Variants in VPS13B observed in about 807,000 individuals in gnomAD.
VPS13B encodes the protein vacuolar protein sorting 13 homolog B.
Under a neutral mutation model 426.4 loss-of-function variants are expected in VPS13B, and 285 were observed. The observed-to-expected ratio is 0.67, with a 90% confidence interval of 0.61 to 0.74. The LOEUF is 0.74. Among genes scored for constraint, VPS13B ranks in the 30% least tolerant of loss-of-function variants. The pLI is 0.00. For synonymous variants in VPS13B, 1,676 were observed against 1,676.4 expected (o/e 1.00, Z 0.01); for missense variants, 4,537 against 4,782.6 (o/e 0.95, Z 1.51).
At chr8:99,071,433 T>A (rs771163152) in intron 3 of VPS13B, among the ~76,000 whole-genome samples, 1 of 152,210 alleles carries the variant, frequency 6.6e-6, no homozygotes, top group African/African-American at 2.4e-5. Flanking sequence ...CCTGGATTAC[T>A]GAGCTCCATG....
At position 99,604,498 on chromosome 8, in the gene VPS13B, T is replaced by C. The variant is rs528335212; in HGVS notation, c.5220+26865T>C. 9.7e-4 allele frequency among the ~76,000 whole-genome samples: 134 copies of C among 137,732 alleles called. 3 individuals are homozygous for C. The highest frequency in any genetic ancestry group is 9.4e-3 in the Admixed American group (127 of 13,514). The allele number at this position is 137,732 out of a possible 152,430, so 90.4% of individuals were successfully genotyped here. A position where few individuals can be genotyped will look rare whatever the true frequency, so the allele number is the denominator to read the frequency against. ...AGTTTCTCATAGTTTCCTTGGTGTT[T>C]TTTTTTTTTTTTTTTTTTTGAGACA... On this transcript the variant is annotated intron_variant, in intron 33 of 61. Coordinates refer to ENST00000357162, the MANE Select transcript of VPS13B (RefSeq NM_152564.5).
chr8:99,721,020 C>T lies in VPS13B; in HGVS notation c.7023C>T (p.Ser2341=). The change falls in exon 39 of 62, where the codon AGC becomes AGT. Residue 2341 remains serine, a synonymous_variant. Transcript: ENST00000357162. ...ACACCACAGAGGATCCAGATATTAG[C>T]ACAGCAGACCTTGGTGATGTGCTAC... ...PFNTTEDPDI[S]TADLGDVLQV... The T allele has an allele frequency of 6.2e-7, 1 of 1,613,950 alleles. No homozygotes were observed. The highest frequency in any genetic ancestry group is 1.3e-5 in the African/African-American group (1 of 75,000).
At chr8:99,703,230 T>C (rs1832357679) in intron 36 of VPS13B, among the ~76,000 whole-genome samples, 1 of 152,180 alleles carries the variant, frequency 6.6e-6, no homozygotes, top group South Asian at 2.1e-4. Context: ...TTAAATATTT[T>C]CTACTTTACC....
intron 2 of VPS13B, among the ~76,000 whole-genome samples, chr8:99,036,113 C>T (rs7814617): frequency 0.082 from 12,489 of 152,018 alleles, 856 homozygotes; most frequent in African/African-American, 0.18. Flanking sequence ...GTCTTTTTTA[C>T]TCTTTTTCCT....
chr8:99,287,231 TG>T (rs1355530691), intron 19 of VPS13B, among the ~76,000 whole-genome samples: 1 of 33,606 alleles, frequency 3.0e-5, no homozygotes, highest in African/African-American at 1.4e-4. Flanking sequence ...TCTATCTGTC[TG>T]TCTATCTATC....
intron 54 of VPS13B, among the ~76,000 whole-genome samples, chr8:99,840,510 T>C (rs960650024): frequency 2.0e-5 from 3 of 152,360 alleles, no homozygotes; most frequent in East Asian, 3.9e-4. Flanking sequence ...TTAATAAATA[T>C]GTTGAACAGG....
chr8:99,501,184 T>C (rs1040876211), intron 25 of VPS13B, among the ~76,000 whole-genome samples: 1 of 152,234 alleles, frequency 6.6e-6, no homozygotes, highest in African/African-American at 2.4e-5. Context: ...CCATTATAAA[T>C]ACTCTATAGA....
At chr8:99,630,842 C>G (rs1828815774) in intron 33 of VPS13B, among the ~76,000 whole-genome samples, 2 of 152,010 alleles carry the variant, frequency 1.3e-5, no homozygotes, top group African/African-American at 2.4e-5. Context: ...CTAAGGAACT[C>G]TTGCAAGTGG....
intron 43 of VPS13B, among the ~76,000 whole-genome samples, chr8:99,787,493 A>AT (rs1184055725): frequency 2.1e-4 from 32 of 152,296 alleles, no homozygotes; most frequent in African/African-American, 7.2e-4. Context: ...GCTGCACAGA[A>AT]TCATAGATGC....
At chr8:99,623,218 C>T (rs556062933) in intron 33 of VPS13B, among the ~76,000 whole-genome samples, 1 of 152,082 alleles carries the variant, frequency 6.6e-6, no homozygotes, top group African/African-American at 2.4e-5. Flanking sequence ...TGATTCCTGC[C>T]ACCAGACCTT....
chr8:99,826,452 A>C (rs1473859286), intron 51 of VPS13B, among the ~76,000 whole-genome samples: 4 of 152,208 alleles, frequency 2.6e-5, no homozygotes, highest in Non-Finnish European at 5.9e-5. Context: ...GTTGCTTATC[A>C]ACTTAAGGAG....
At chr8:99,396,513 C>G (rs1024194717) in intron 21 of VPS13B, among the ~76,000 whole-genome samples, 1 of 152,140 alleles carries the variant, frequency 6.6e-6, no homozygotes, top group East Asian at 1.9e-4. Flanking sequence ...CTGAATATTT[C>G]CTGCTTTCTT....
At chr8:99,780,471 C>T (rs1025082637) in intron 42 of VPS13B, among the ~76,000 whole-genome samples, 38 of 152,030 alleles carry the variant, frequency 2.5e-4, no homozygotes, top group Non-Finnish European at 1.5e-4. Context: ...AAATATGGTG[C>T]ATAAATATTT....
At chr8:99,163,610 A>G (rs930862498) in intron 15 of VPS13B, among the ~76,000 whole-genome samples, 3 of 152,086 alleles carry the variant, frequency 2.0e-5, no homozygotes, top group African/African-American at 7.2e-5. Flanking sequence ...CTGTTGGGGG[A>G]CCCAGTACAC....
rs372353257 is a variant in VPS13B, at chr8:99,278,082, C to T, written c.2824+2828C>T. 2.5e-4 allele frequency among the ~76,000 whole-genome samples: 38 copies of T among 152,040 alleles called. 2 individuals carry two copies. Among genetic ancestry groups the T allele is most frequent in the East Asian group, 1.5e-3 (8 of 5,162 alleles). On this transcript the variant is annotated intron_variant, in intron 19 of 61. Transcript: ENST00000357162. Reference sequence around the variant, plus strand: ...TGTTTTCAGAAACAGATAGATGTCCCGGTGAGGTTGTTAATGAACTTTTCC... The same window carrying T: ...TGTTTTCAGAAACAGATAGATGTCCTGGTGAGGTTGTTAATGAACTTTTCC...
chr8:99,785,927 T>C (rs1812238513), intron 43 of VPS13B, among the ~76,000 whole-genome samples: 2 of 152,208 alleles, frequency 1.3e-5, no homozygotes, highest in Non-Finnish European at 1.5e-5. Flanking sequence ...ACACTGTACC[T>C]GTAGCCACTT....
chr8:99,387,237 A>G (rs1814173770), intron 20 of VPS13B, among the ~76,000 whole-genome samples: 1 of 151,676 alleles, frequency 6.6e-6, no homozygotes, highest in South Asian at 2.1e-4. Context: ...TTTTTTTTCC[A>G]CACAGGTTCT....
chr8:99,121,041 A>G lies in VPS13B; in HGVS notation c.938-136A>G, dbSNP rs118084677. The G allele has an allele frequency of 2.3e-3, 1,665 of 723,332 alleles. 56 individuals carry two copies. The East Asian group carries it at 0.045, about 19-fold the overall frequency. 44.8% of individuals were successfully genotyped at this position (723,332 alleles called of 1,614,324 possible). A position where few individuals can be genotyped will look rare whatever the true frequency, so the allele number is the denominator to read the frequency against. ...TAATGCTAAATTATTGGTTTCAAAT[A>G]GTAATAATCACTGTATCATTTGTTT... is the stretch of plus-strand genomic sequence containing the variant. On this transcript the variant is annotated intron_variant, in intron 7 of 61. Coordinates refer to ENST00000357162, the MANE Select transcript of VPS13B (RefSeq NM_152564.5).
intron 30 of VPS13B, among the ~76,000 whole-genome samples, chr8:99,524,930 C>T (rs774980647): frequency 1.3e-5 from 2 of 152,164 alleles, no homozygotes; most frequent in Non-Finnish European, 2.9e-5. Flanking sequence ...GAATTGTATA[C>T]GCAGTGAGAA....
Sources: allele counts gnomAD v4.1 joint callset (sites outside exome capture counted in the v4.1 genomes callset), GRCh38; gene constraint gnomAD v4.1.1; transcripts MANE v1.5; gene names NCBI Gene and HGNC (gene_info 2026-07-23, HGNC 2026-07-21).